MARCHF3: variants seen among roughly 807,000 people sequenced by gnomAD.
MARCHF3 encodes the protein E3 ubiquitin-protein ligase MARCHF3.
A neutral mutation model predicts 24.2 loss-of-function variants in MARCHF3; 13 were observed. The observed-to-expected ratio is 0.54, with a 90% CI of 0.35 to 0.85. The LOEUF (loss-of-function observed/expected upper bound fraction) is 0.85. Ranked by LOEUF, MARCHF3 falls within the 40% of genes least tolerant of loss-of-function variation. The pLI, the probability that MARCHF3 is intolerant of heterozygous loss-of-function variation, is 0.01. For synonymous variants in MARCHF3, 144 were observed against 137.3 expected (o/e 1.05, Z -0.34); for missense variants, 276 against 325.0 (o/e 0.85, Z 1.16).
intron 1 of MARCHF3, among the ~76,000 whole-genome samples, chr5:126,939,140 A>G (rs529726397): frequency 2.2e-4 from 34 of 152,328 alleles, no homozygotes; most frequent in African/African-American, 7.9e-4. Flanking sequence ...TGCAACAAAC[A>G]TAATCTTATG....
chr5:126,941,942 C>T (rs1350722999), intron 1 of MARCHF3, among the ~76,000 whole-genome samples: 4 of 152,190 alleles, frequency 2.6e-5, no homozygotes, highest in Non-Finnish European at 4.4e-5. Flanking sequence ...ATGCTCATTC[C>T]TGGTTTACAG....
intron 1 of MARCHF3, among the ~76,000 whole-genome samples, chr5:126,934,399 T>A (rs964037967): frequency 2.0e-4 from 31 of 152,128 alleles, no homozygotes; most frequent in African/African-American, 7.5e-4. Context: ...TTCTAAGCAG[T>A]CCAGTATTAA....
intron 1 of MARCHF3, among the ~76,000 whole-genome samples, chr5:126,951,652 T>C (rs1317616337): frequency 1.3e-5 from 2 of 152,198 alleles, no homozygotes. Flanking sequence ...CAAATCATTT[T>C]GAGCCCATTT....
intron 1 of MARCHF3, among the ~76,000 whole-genome samples, chr5:126,966,355 T>C (rs1358630298): frequency 1.3e-5 from 2 of 152,144 alleles, no homozygotes; most frequent in African/African-American, 4.8e-5. Flanking sequence ...ATAAAGTTGA[T>C]TTTTTAAAAA....
At chr5:126,992,063 T>G (rs1166769051) in intron 1 of MARCHF3, among the ~76,000 whole-genome samples, 1 of 152,174 alleles carries the variant, frequency 6.6e-6, no homozygotes, top group African/African-American at 2.4e-5. Context: ...CCTGTGGGCT[T>G]AGTTAATGCT....
chr5:126,901,078 G>T (rs938388237), intron 3 of MARCHF3, among the ~76,000 whole-genome samples: 1 of 152,048 alleles, frequency 6.6e-6, no homozygotes, highest in Non-Finnish European at 1.5e-5. Flanking sequence ...AATGAAGAGT[G>T]ACTTAGGTCT....
At chr5:126,925,309 AG>A (rs1749254907) in intron 1 of MARCHF3, among the ~76,000 whole-genome samples, 1 of 152,226 alleles carries the variant, frequency 6.6e-6, no homozygotes, top group African/African-American at 2.4e-5. Flanking sequence ...ACTACCTTAA[AG>A]TTATATTCAG....
chr5:126,930,659 G>A (rs973408697), intron 1 of MARCHF3, among the ~76,000 whole-genome samples: 5 of 152,188 alleles, frequency 3.3e-5, no homozygotes, highest in African/African-American at 9.7e-5. Context: ...ATTAACACTC[G>A]GGGCAAGCTT....
chr5:126,871,337 T>A (rs539250864), intron 4 of MARCHF3, among the ~76,000 whole-genome samples: 2 of 152,318 alleles, frequency 1.3e-5, no homozygotes. Context: ...CAGTGGGTGA[T>A]TCCTAATTGC....
rs183838121 is a variant in MARCHF3 at position 126,955,730 on chromosome 5, G to A, written c.-56-37503C>T. Among the ~76,000 whole-genome samples, 32 of 152,122 alleles carry A rather than the reference G, an allele frequency of 2.1e-4. No individual in the cohort carries two copies. The East Asian group carries it at 5.8e-3, about 28-fold the overall frequency. On this transcript the variant is annotated intron_variant, in intron 1 of 4. Transcript: ENST00000308660. The stretch of plus-strand genomic sequence containing the variant: ...TGAAACGTTTTTTTCTGCTTTATGT[G>A]TTGAAAAAATATTTTTCCAGTTCAG...
chr5:127,009,750 T>C (rs777573630), intron 1 of MARCHF3, among the ~76,000 whole-genome samples: 22 of 152,296 alleles, frequency 1.4e-4, no homozygotes, highest in African/African-American at 4.8e-4. Context: ...ATGAAACCTA[T>C]TGGTGACTTT....
At chr5:126,998,466 C>T (rs1276347580) in intron 1 of MARCHF3, among the ~76,000 whole-genome samples, 1 of 152,116 alleles carries the variant, frequency 6.6e-6, no homozygotes, top group Non-Finnish European at 1.5e-5. Flanking sequence ...TGGCCTTTCA[C>T]CAACATGCTT....
chr5:126,954,201 T>A (rs1750354271), intron 1 of MARCHF3, among the ~76,000 whole-genome samples: 1 of 36,800 alleles, frequency 2.7e-5, no homozygotes, highest in Non-Finnish European at 6.2e-5. Context: ...CCCGGCTAAT[T>A]TTTTTTTTTT....
chr5:127,008,228 C>T (rs1449723201), intron 1 of MARCHF3, among the ~76,000 whole-genome samples: 2 of 152,184 alleles, frequency 1.3e-5, no homozygotes, highest in African/African-American at 4.8e-5. Context: ...ACGTTTCCAA[C>T]TGAAAATGAA....
At chr5:126,909,102 T>A (rs1395559228) in intron 3 of MARCHF3, among the ~76,000 whole-genome samples, 1 of 152,190 alleles carries the variant, frequency 6.6e-6, no homozygotes, top group Non-Finnish European at 1.5e-5. Flanking sequence ...AGTCTGCCCC[T>A]GCTGGGGGTG....
intron 3 of MARCHF3, among the ~76,000 whole-genome samples, chr5:126,911,652 G>A (rs1754535719): frequency 6.6e-6 from 1 of 152,124 alleles, no homozygotes; most frequent in Admixed American, 6.5e-5. Flanking sequence ...TTGTTATACT[G>A]GCTTACCTTG....
chr5:126,979,102 T>G (rs1369672696), intron 1 of MARCHF3, among the ~76,000 whole-genome samples: 5 of 152,252 alleles, frequency 3.3e-5, no homozygotes, highest in Middle Eastern at 3.2e-3. Flanking sequence ...TAATTTAATA[T>G]GATGTTGTAA....
chr5:127,017,301 A>G (rs934312525), intron 1 of MARCHF3, among the ~76,000 whole-genome samples: 1 of 152,224 alleles, frequency 6.6e-6, no homozygotes, highest in Non-Finnish European at 1.5e-5. Context: ...ATTTAGTCTT[A>G]TAAGTATCTT....
chr5:126,895,908 A>T (rs1753875070), intron 3 of MARCHF3, among the ~76,000 whole-genome samples: 1 of 151,888 alleles, frequency 6.6e-6, no homozygotes, highest in Non-Finnish European at 1.5e-5. Context: ...CCCCTCCCCC[A>T]GCCTTGCTGT....
Sources: gnomAD v4.1 joint callset for allele counts (sites outside exome capture counted in the v4.1 genomes callset) on GRCh38, gnomAD v4.1.1 for gene constraint, MANE v1.5 for transcripts, NCBI Gene and HGNC (gene_info 2026-07-23, HGNC 2026-07-21) for gene names.